FBXO43: variants seen among roughly 807,000 people sequenced by gnomAD.
FBXO43 encodes the protein F-box protein 43.
FBXO43 carries 22 observed loss-of-function variants against 56.7 expected under a neutral mutation model. The ratio of observed to expected loss-of-function variants is 0.39; its 90% CI spans 0.28 to 0.55. The LOEUF is 0.55. FBXO43 is among the 20% of genes least tolerant of loss of function. The pLI is 0.66. For synonymous variants in FBXO43, 306 were observed against 294.5 expected (o/e 1.04, Z -0.40); for missense variants, 733 against 814.9 (o/e 0.90, Z 1.22).
At chr8:100,146,201 G>A (rs964640623), upstream of FBXO43, among the ~76,000 whole-genome samples, 1 of 152,186 alleles carries the variant, frequency 6.6e-6, no homozygotes, top group African/African-American at 2.4e-5. Flanking sequence ...AGGTCTGAAA[G>A]GTATGAATAA....
chr8:100,145,261 A>C lies in FBXO43; in HGVS notation c.-126T>G. The stretch of plus-strand genomic sequence containing the variant: ...GCATGCCGCAGGGATTATTCCTAAC[A>C]CTTGAGAAGGTCTAAATCATTTTGA... On this transcript the variant is annotated 5_prime_UTR_variant, in exon 1 of 5. Coordinates refer to ENST00000428847, the MANE Select transcript of FBXO43 (RefSeq NM_001029860.4). 1 of 585,050 alleles carries C rather than the reference A, an allele frequency of 1.7e-6. No homozygotes were observed. The allele number at this position is 585,050 out of a possible 1,614,324, so 36.2% of individuals were successfully genotyped here.
At chr8:100,146,862 T>C (rs1367669792), upstream of FBXO43, among the ~76,000 whole-genome samples, 1 of 152,224 alleles carries the variant, frequency 6.6e-6, no homozygotes. Context: ...ACTAAAATTA[T>C]TATGAGACAG....
At position 100,141,014 on chromosome 8, in the gene FBXO43, C is replaced by T; in HGVS notation, c.1240G>A (p.Ala414Thr). The change falls in exon 2 of 5, where the codon GCT becomes ACT. Residue 414 changes from alanine to threonine, a missense_variant. Coordinates refer to ENST00000428847, the MANE Select transcript of FBXO43 (RefSeq NM_001029860.4). Reference sequence around the variant, plus strand: ...AGCTGACCCTCTGAGATGGCAGAAGCAGCTGCTGCTCTTTTTTCAGAGTCA... The same window carrying T: ...AGCTGACCCTCTGAGATGGCAGAAGTAGCTGCTGCTCTTTTTTCAGAGTCA... Reference protein sequence around the residue: ...HPDSEKRAAAASAISEGQLSS... With the variant: ...HPDSEKRAAATSAISEGQLSS... 1 of 1,614,250 alleles carries T rather than the reference C, an allele frequency of 6.2e-7. No homozygotes were observed. Among genetic ancestry groups the T allele is most frequent in the Non-Finnish European group, 8.5e-7 (1 of 1,180,040 alleles).
In FBXO43 at chr8:100,141,182, GTTC is replaced by G. The variant is rs775679466; in HGVS notation, c.1069_1071del (p.Glu357del). 36 of 1,614,170 alleles carry G rather than the reference GTTC, an allele frequency of 2.2e-5. No homozygotes were observed. In the African/African-American group the frequency reaches 4.5e-4, roughly 20 times the overall value. On this transcript the variant is annotated inframe_deletion, in exon 2 of 5. Transcript: ENST00000428847. Reference sequence around the variant, plus strand: ...GGAGTCCCCTTATGTTTCTGCAGTAGTTCTTGAAAAGAACCCTCCTGGTCAGAC... The same window carrying G: ...GGAGTCCCCTTATGTTTCTGCAGTAGTTGAAAAGAACCCTCCTGGTCAGAC...
chr8:100,141,162 C>T lies in FBXO43; in HGVS notation c.1092G>A (p.Gly364=). The part of the protein sequence containing the change: ...SFQELLQKHK[G]TPKVGDTIRK... ...TTATGGTGTCCCCAACTTTGGGAGTCCCCTTATGTTTCTGCAGTAGTTCTT... is the reference window on the plus strand; with the variant it reads ...TTATGGTGTCCCCAACTTTGGGAGTTCCCTTATGTTTCTGCAGTAGTTCTT... Residue 364 remains glycine, a synonymous_variant, in exon 2 of 5, where the codon GGG becomes GGA. Transcript: ENST00000428847. The T allele has an allele frequency of 6.2e-7, 1 of 1,614,140 alleles. No homozygotes were observed. Among genetic ancestry groups the T allele is most frequent in the Middle Eastern group, 1.6e-4 (1 of 6,062 alleles).
intron 3 of FBXO43, among the ~76,000 whole-genome samples, chr8:100,135,323 T>C (rs1265419490): frequency 6.6e-6 from 1 of 151,858 alleles, no homozygotes; most frequent in Non-Finnish European, 1.5e-5. Flanking sequence ...CTATAGAAAA[T>C]AGTAAAGAAA....
At position 100,140,720 on chromosome 8, in the gene FBXO43, T is replaced by C; in HGVS notation, c.1534A>G (p.Met512Val). ...TCTGCGGTCAAGGACTCTAAAACCATAGCAAGAATATGCTTTAAATTTCTA... is the reference window on the plus strand; with the variant it reads ...TCTGCGGTCAAGGACTCTAAAACCACAGCAAGAATATGCTTTAAATTTCTA... ...KYRNLKHILA[M>V]VLESLTAESL... The change falls in exon 2 of 5, where the codon ATG becomes GTG. Residue 512 changes from methionine to valine, a missense_variant. Met to Val is a conservative substitution (Grantham distance 21). Coordinates refer to ENST00000428847, the MANE Select transcript of FBXO43 (RefSeq NM_001029860.4). 6.2e-7 allele frequency: 1 copy of C among 1,611,730 alleles called. No individual in the cohort carries two copies. Among genetic ancestry groups the C allele is most frequent in the South Asian group, 1.1e-5 (1 of 90,430 alleles).
chr8:100,133,858 T>C lies in FBXO43; in HGVS notation c.2071A>G (p.Arg691Gly). 1.2e-6 allele frequency: 2 copies of C among 1,614,250 alleles called. No individual in the cohort carries two copies. The highest frequency in any genetic ancestry group is 1.7e-6 in the Non-Finnish European group (2 of 1,180,042). Residue 691 changes from arginine to glycine, a missense_variant, in exon 5 of 5, where the codon AGA (arginine) becomes GGA (glycine). Arg to Gly is a moderately radical substitution (Grantham distance 125). Transcript: ENST00000428847. ...GCACTTCCTGGGAGAGCATCTTTTCTATTTCTTGGCTTTGCTGCTCCTCTA... is the reference window on the plus strand; with the variant it reads ...GCACTTCCTGGGAGAGCATCTTTTCCATTTCTTGGCTTTGCTGCTCCTCTA... ...CSRGAAKPRNRKDALPGSAQS... is the reference protein window; with the variant it reads ...CSRGAAKPRNGKDALPGSAQS...
In FBXO43 at chr8:100,133,692, A is replaced by T. The variant is rs1814376382; in HGVS notation, c.*110T>A. The T allele has an allele frequency of 4.9e-6, 6 of 1,220,262 alleles. No homozygotes were observed. In the South Asian group the frequency reaches 8.9e-5, roughly 18 times the overall value. The allele number at this position is 1,220,262 out of a possible 1,614,324, so 75.6% of individuals were successfully genotyped here. A position where few individuals can be genotyped will look rare whatever the true frequency, so the allele number is the denominator to read the frequency against. On this transcript the variant is annotated 3_prime_UTR_variant, in exon 5 of 5. Transcript: ENST00000428847. Reference sequence around the variant, plus strand: ...CGATTATAATATATACAAAATAGGAAATTAATCATCACCTGTCATTAATGG... The same window carrying T: ...CGATTATAATATATACAAAATAGGATATTAATCATCACCTGTCATTAATGG...
rs2132133662 is a variant in FBXO43, at chr8:100,141,037, T to G, written c.1217A>C (p.Asp406Ala). Residue 406 changes from aspartate to alanine, a missense_variant, in exon 2 of 5, where the codon GAC becomes GCC. Coordinates refer to ENST00000428847, the MANE Select transcript of FBXO43 (RefSeq NM_001029860.4). Reference protein sequence around the residue: ...TEEEKQIVHPDSEKRAAAASA... With the variant: ...TEEEKQIVHPASEKRAAAASA... ...AGCAGCTGCTGCTCTTTTTTCAGAG[T>G]CAGGGTGGACAATCTGCTTTTCCTC... 1 of 1,614,182 alleles carries G rather than the reference T, an allele frequency of 6.2e-7. No individual in the cohort carries two copies. The highest frequency in any genetic ancestry group is 2.2e-5 in the East Asian group (1 of 44,890).
At chr8:100,140,590 TAAAAC>T in intron 2 of FBXO43, 88 bp downstream of exon 2, 3 of 990,934 alleles carry the variant, frequency 3.0e-6, no homozygotes, top group South Asian at 1.8e-5. Context: ...ACAGAGATAA[TAAAAC>T]AAAATAAAGG....
chr8:100,149,882 GA>G (rs1433136520), upstream of FBXO43, among the ~76,000 whole-genome samples: 6 of 152,114 alleles, frequency 3.9e-5, no homozygotes, highest in African/African-American at 1.2e-4. Flanking sequence ...ATATCTTCTG[GA>G]AAAAAAGGAA....
At chr8:100,150,242 C>T (rs571368355), upstream of FBXO43, among the ~76,000 whole-genome samples, 10 of 152,168 alleles carry the variant, frequency 6.6e-5, no homozygotes, top group Non-Finnish European at 1.3e-4. Context: ...TTTTTAAAAA[C>T]AATCTGGAAA....
At chr8:100,148,704 T>C (rs1226312561), upstream of FBXO43, among the ~76,000 whole-genome samples, 1 of 152,184 alleles carries the variant, frequency 6.6e-6, no homozygotes, top group Non-Finnish European at 1.5e-5. Flanking sequence ...TGAGCCACGG[T>C]GCCCAGCCCT....
At position 100,141,241 on chromosome 8, in the gene FBXO43, G is replaced by A; in HGVS notation, c.1013C>T (p.Ser338Leu). 1 of 1,614,118 alleles carries A rather than the reference G, an allele frequency of 6.2e-7. No individual in the cohort carries two copies. The change falls in exon 2 of 5, where the codon TCA (serine) becomes TTA (leucine). Residue 338 changes from serine to leucine, a missense_variant. Physicochemically the swap from Ser to Leu is moderately radical, Grantham distance 145. Coordinates refer to ENST00000428847, the MANE Select transcript of FBXO43 (RefSeq NM_001029860.4). The stretch of plus-strand genomic sequence containing the variant: ...ATCTTCTGATTTCTCCAAGCTAAGT[G>A]AGTTAAAACCACTGTCTTCAGGCGT... Reference protein sequence around the residue: ...ISTPEDSGFNSLSLEKSEDSL... With the variant: ...ISTPEDSGFNLLSLEKSEDSL...
intron 1 of FBXO43, among the ~76,000 whole-genome samples, 197 bp downstream of exon 1, chr8:100,144,853 AC>A (rs1343183996): frequency 6.6e-6 from 1 of 150,674 alleles, no homozygotes; most frequent in African/African-American, 2.4e-5. Context: ...AATGGCGTGA[AC>A]CCGGGAGGTG....
In FBXO43 at chr8:100,133,810, G is replaced by A. The variant is rs755178476; in HGVS notation, c.2119C>T (p.Arg707Cys). The A allele has an allele frequency of 2.5e-6, 4 of 1,613,672 alleles. No homozygotes were observed. The highest frequency in any genetic ancestry group is 1.7e-6 in the Non-Finnish European group (2 of 1,179,924). Reference protein sequence around the residue: ...GSAQSKRNLKRL With the variant: ...GSAQSKRNLKCL ...TTCTATATTTAGTCTCTTCAGAGGC[G>A]TTTTAAATTCCGCTTACTCTGGGCA... The change falls in exon 5 of 5, where the codon CGC becomes TGC. Residue 707 changes from arginine to cysteine, a missense_variant. Physicochemically the swap from Arg to Cys is radical, Grantham distance 180. Coordinates refer to ENST00000428847, the MANE Select transcript of FBXO43 (RefSeq NM_001029860.4).
chr8:100,141,188 GA>G lies in FBXO43; in HGVS notation c.1065del (p.Gln356LysfsTer17). 1 of 1,614,118 alleles carries G rather than the reference GA, an allele frequency of 6.2e-7. No homozygotes were observed. The highest frequency in any genetic ancestry group is 1.1e-5 in the South Asian group (1 of 91,080). On this transcript the variant is annotated frameshift_variant, in exon 2 of 5. Transcript: ENST00000428847. LOFTEE classifies it high-confidence loss of function. ...EDSLSDQEGS[F>X]QELLQKHKGT... Reference sequence around the variant, plus strand: ...CCCTTATGTTTCTGCAGTAGTTCTTGAAAAGAACCCTCCTGGTCAGACAGGG... The same window carrying G: ...CCCTTATGTTTCTGCAGTAGTTCTTGAAAGAACCCTCCTGGTCAGACAGGG...
At position 100,134,302 on chromosome 8, in the gene FBXO43, T is replaced by C; in HGVS notation, c.1737A>G (p.Leu579=). Residue 579 remains leucine (L), a synonymous_variant, in exon 4 of 5, where the codon TTA becomes TTG. Coordinates refer to ENST00000428847, the MANE Select transcript of FBXO43 (RefSeq NM_001029860.4). ...TRLQLLNRSA[L]RSVQAQARIP... ...TCCTAGCCTGTGCCTGCACAGATCT[T>C]AAAGCTGAGCGATTTAAAAGCTGGA... 6.2e-7 allele frequency: 1 copy of C among 1,614,076 alleles called. No homozygotes were observed. The highest frequency in any genetic ancestry group is 1.3e-5 in the African/African-American group (1 of 75,044).
Sources: allele counts gnomAD v4.1 joint callset (sites outside exome capture counted in the v4.1 genomes callset), GRCh38; gene constraint gnomAD v4.1.1; transcripts MANE v1.5; gene names NCBI Gene and HGNC (gene_info 2026-07-23, HGNC 2026-07-21).